Variants in MOB3B observed in about 807,000 individuals in gnomAD.
MOB3B encodes the protein MOB kinase activator 3B.
In MOB3B, 7 loss-of-function variants were observed where a neutral mutation model predicts 18.7. The observed-to-expected ratio is 0.37, with a 90% CI of 0.21 to 0.70. MOB3B has a LOEUF of 0.70. Among genes scored for constraint, MOB3B ranks in the 30% least tolerant of loss-of-function variants. The pLI is 0.52. For synonymous variants in MOB3B, 111 were observed against 99.9 expected, an observed-to-expected ratio of 1.11 and a Z score of -0.66; for missense variants, 253 against 281.3, an observed-to-expected ratio of 0.90 and a Z score of 0.72.
intron 2 of MOB3B, among the ~76,000 whole-genome samples, chr9:27,360,876 G>C (rs557646782): frequency 2.0e-5 from 3 of 152,138 alleles, no homozygotes; most frequent in Non-Finnish European, 4.4e-5. Flanking sequence ...TGACTGCCTG[G>C]GCAACAGATG....
chr9:27,380,441 G>T (rs1205991974), intron 2 of MOB3B, among the ~76,000 whole-genome samples: 1 of 151,926 alleles, frequency 6.6e-6, no homozygotes, highest in African/African-American at 2.4e-5. Context: ...TTTTCACCAT[G>T]TTGGCCAGGA....
chr9:27,446,608 C>T (rs946876041), intron 2 of MOB3B, among the ~76,000 whole-genome samples: 1 of 152,110 alleles, frequency 6.6e-6, no homozygotes, highest in African/African-American at 2.4e-5. Flanking sequence ...TTCTTTCTAA[C>T]CTTGATTTAC....
At chr9:27,456,408 C>G (rs1373536) in intron 1 of MOB3B, among the ~76,000 whole-genome samples, 22,870 of 152,066 alleles carry the variant, frequency 0.15, 1,825 homozygotes, top group African/African-American at 0.18. Flanking sequence ...CACAGAGAAA[C>G]AGAGACAAGA....
intron 1 of MOB3B, among the ~76,000 whole-genome samples, chr9:27,481,023 A>G (rs1819641127): frequency 6.6e-6 from 1 of 152,208 alleles, no homozygotes; most frequent in Non-Finnish European, 1.5e-5. Context: ...GAAGGGTGTT[A>G]TTCAAAGGAA....
At chr9:27,456,075 G>A (rs10757662) in intron 1 of MOB3B, among the ~76,000 whole-genome samples, 51,623 of 151,940 alleles carry the variant, frequency 0.34, 9,438 homozygotes, top group African/African-American at 0.41. Context: ...CCTATCCCAC[G>A]TGTGCTAGCT....
chr9:27,455,767 A>C lies in MOB3B; in HGVS notation c.-198-19T>G. ...TTCTTTCCTAAAGGTAGAAGAGAAA[A>C]GGGAACACATGAGTGCCCAGTTCGC... On this transcript the variant is annotated intron_variant, in intron 1 of 3. Transcript: ENST00000262244. 7.0e-7 allele frequency: 1 copy of C among 1,420,920 alleles called. No individual in the cohort carries two copies. Among genetic ancestry groups the C allele is most frequent in the Non-Finnish European group, 9.2e-7 (1 of 1,092,570 alleles). 88.0% of individuals were successfully genotyped at this position (1,420,920 alleles called of 1,614,324 possible). A position where few individuals can be genotyped will look rare whatever the true frequency, so the allele number is the denominator to read the frequency against.
chr9:27,433,073 G>T (rs1322797877), intron 2 of MOB3B, among the ~76,000 whole-genome samples: 1 of 150,732 alleles, frequency 6.6e-6, no homozygotes, highest in Non-Finnish European at 1.5e-5. Context: ...TTCTAAATGA[G>T]ATTTGCTGAT....
At chr9:27,479,646 T>A (rs1819616848) in intron 1 of MOB3B, among the ~76,000 whole-genome samples, 1 of 152,166 alleles carries the variant, frequency 6.6e-6, no homozygotes, top group Non-Finnish European at 1.5e-5. Context: ...AAAAAAATTT[T>A]TAAGATTAAT....
intron 2 of MOB3B, among the ~76,000 whole-genome samples, chr9:27,374,572 G>A (rs1395942220): frequency 6.6e-6 from 1 of 152,042 alleles, no homozygotes; most frequent in East Asian, 1.9e-4. Flanking sequence ...GGAGGGAGAG[G>A]ACAGAGGTGA....
chr9:27,485,653 C>A (rs547929810), intron 1 of MOB3B, among the ~76,000 whole-genome samples: 3 of 152,316 alleles, frequency 2.0e-5, no homozygotes, highest in Admixed American at 1.3e-4. Context: ...TCCCTCTCTA[C>A]CCTCATGGAA....
chr9:27,462,718 T>C (rs1224030580), intron 1 of MOB3B, among the ~76,000 whole-genome samples: 1 of 152,212 alleles, frequency 6.6e-6, no homozygotes, highest in African/African-American at 2.4e-5. Flanking sequence ...TTGGATCCTG[T>C]AACTGACAAC....
chr9:27,336,988 G>A (rs540161322), intron 3 of MOB3B, among the ~76,000 whole-genome samples: 10 of 152,322 alleles, frequency 6.6e-5, no homozygotes, highest in East Asian at 1.9e-4. Context: ...GTGCCTCCCT[G>A]CCCATTAATC....
intron 2 of MOB3B, among the ~76,000 whole-genome samples, chr9:27,446,518 T>C (rs972688440): frequency 1.3e-5 from 2 of 152,184 alleles, no homozygotes; most frequent in Admixed American, 6.5e-5. Flanking sequence ...TTCCCCAAGC[T>C]ATAGCAAAAG....
intron 1 of MOB3B, among the ~76,000 whole-genome samples, chr9:27,500,171 ACCTTATTTAGTTTCTT>A (rs762282917): frequency 1.3e-5 from 2 of 151,280 alleles, no homozygotes; most frequent in South Asian, 2.1e-4. Context: ...AGTCTGGTTC[ACCTTATTTAGTTTCTT>A]CCTTATTTAG....
At chr9:27,335,839 C>T (rs10114442) in intron 3 of MOB3B, among the ~76,000 whole-genome samples, 3,128 of 152,310 alleles carry the variant, frequency 0.021, 66 homozygotes, top group African/African-American at 0.05. Context: ...ACCTTTCACA[C>T]TGTTGTGCGA....
In MOB3B at chr9:27,330,405, C is replaced by T. The variant is rs550772128; in HGVS notation, c.*182G>A. 2.3e-5 allele frequency: 16 copies of T among 700,212 alleles called. No homozygotes were observed. Among genetic ancestry groups the T allele is most frequent in the African/African-American group, 3.6e-5 (2 of 55,436 alleles). The allele number at this position is 700,212 out of a possible 1,614,324, so 43.4% of individuals were successfully genotyped here. ...CTCGTCCACAGGTCTGGGCTAGCAG[C>T]ACTCAGAAGGTTAAGAGCACACAAA... On this transcript the variant is annotated 3_prime_UTR_variant, in exon 4 of 4. Transcript: ENST00000262244.
intron 1 of MOB3B, among the ~76,000 whole-genome samples, chr9:27,520,710 C>G (rs892002426): frequency 2.0e-5 from 3 of 152,088 alleles, no homozygotes; most frequent in Admixed American, 6.5e-5. Context: ...GTAAAGCCAG[C>G]ATAGAGAAAT....
chr9:27,403,725 C>T (rs959163131), intron 2 of MOB3B, among the ~76,000 whole-genome samples: 4 of 151,730 alleles, frequency 2.6e-5, no homozygotes, highest in Non-Finnish European at 4.4e-5. Context: ...GTGATCCACC[C>T]GCCTCGGCCT....
At chr9:27,442,792 C>T (rs374393363) in intron 2 of MOB3B, among the ~76,000 whole-genome samples, 7 of 152,182 alleles carry the variant, frequency 4.6e-5, no homozygotes, top group African/African-American at 9.7e-5. Flanking sequence ...TAGTTCTCCA[C>T]GTTAGCTCCT....
Sources: gnomAD v4.1 joint callset for allele counts (sites outside exome capture counted in the v4.1 genomes callset) on GRCh38, gnomAD v4.1.1 for gene constraint, MANE v1.5 for transcripts, NCBI Gene and HGNC (gene_info 2026-07-23, HGNC 2026-07-21) for gene names.